The following MAD1L1 variants were observed in gnomAD, a reference collection of about 807,000 sequenced individuals.
The protein encoded by MAD1L1 is mitotic spindle assembly checkpoint protein MAD1.
A neutral mutation model predicts 96.9 loss-of-function variants in MAD1L1; 95 were observed. That is an observed-to-expected ratio of 0.98 (90% confidence interval 0.83 to 1.16). The LOEUF (loss-of-function observed/expected upper bound fraction) is 1.16, where lower values mean the gene tolerates loss of function less well. Ranked by LOEUF, MAD1L1 falls within the 50% of genes most tolerant of loss-of-function variation. The probability of loss-of-function intolerance (pLI) is 0.00; values close to 1 mark genes in which losing one functional copy is unlikely to be tolerated. For synonymous variants in MAD1L1, 473 were observed against 396.6 expected, an observed-to-expected ratio of 1.19 and a Z score of -2.29; for missense variants, 1,007 against 954.4, an observed-to-expected ratio of 1.06 and a Z score of -0.73.
intron 16 of MAD1L1, among the ~76,000 whole-genome samples, chr7:1,950,227 C>T (rs1018649298): frequency 6.6e-6 from 1 of 152,236 alleles, no homozygotes; most frequent in African/African-American, 2.4e-5. Context: ...TCCCCAGCAC[C>T]CTGACCTCAG....
chr7:2,211,848 A>T (rs1792963528), intron 10 of MAD1L1, among the ~76,000 whole-genome samples: 1 of 152,260 alleles, frequency 6.6e-6, no homozygotes. Flanking sequence ...GTCAAAGGAT[A>T]GCTCTTTCAG....
intron 17 of MAD1L1, among the ~76,000 whole-genome samples, chr7:1,927,722 A>G (rs1789170208): frequency 6.6e-6 from 1 of 152,200 alleles, no homozygotes; most frequent in Admixed American, 6.5e-5. Context: ...ATGTGAACTT[A>G]AAACCTTTTA....
intron 18 of MAD1L1, chr7:1,854,345 C>A: frequency 2.1e-6 from 1 of 469,862 alleles, no homozygotes; most frequent in East Asian, 6.6e-5. Flanking sequence ...CCCCAACCCC[C>A]GCTGTGGGGG....
chr7:2,189,497 A>C (rs1466694932), intron 10 of MAD1L1, among the ~76,000 whole-genome samples: 1 of 152,262 alleles, frequency 6.6e-6, no homozygotes, highest in Non-Finnish European at 1.5e-5. Context: ...ATGCCACAAC[A>C]TGGATGATCC....
At chr7:1,913,801 G>C (rs1309810307) in intron 17 of MAD1L1, among the ~76,000 whole-genome samples, 2 of 152,126 alleles carry the variant, frequency 1.3e-5, no homozygotes, top group Non-Finnish European at 2.9e-5. Context: ...GTGGGGAGTG[G>C]AGGGGAGGCT....
At chr7:1,868,422 C>T (rs1562473151) in intron 18 of MAD1L1, among the ~76,000 whole-genome samples, 1 of 152,136 alleles carries the variant, frequency 6.6e-6, no homozygotes, top group Non-Finnish European at 1.5e-5. Context: ...GCCTCCCGGG[C>T]TGCGTGCTGC....
At chr7:1,913,563 G>A (rs192634416) in intron 17 of MAD1L1, among the ~76,000 whole-genome samples, 174 of 152,310 alleles carry the variant, frequency 1.1e-3, no homozygotes, top group East Asian at 9.5e-3. Flanking sequence ...GGGGGTTGGC[G>A]TGGGGTCAGC....
chr7:2,215,150 G>C (rs988984969), intron 9 of MAD1L1, among the ~76,000 whole-genome samples: 1 of 152,126 alleles, frequency 6.6e-6, no homozygotes, highest in African/African-American at 2.4e-5. Flanking sequence ...AGGCTGAGGA[G>C]GGTGGATCAC....
Position 2,088,902 on chromosome 7 carries a change from C to T in MAD1L1, c.1074-19564G>A, listed in dbSNP as rs1378183631. On this transcript the variant is annotated intron_variant, in intron 11 of 18. Coordinates refer to ENST00000265854, the MANE Select transcript of MAD1L1 (RefSeq NM_001013836.2). This position sits in a 1 kb window ranked among gnomAD's most constrained non-coding sequence, Gnocchi z 4.4. ...CACGCCTCCCACACAAGCTGCCAGG[C>T]CCACGGTGGGGGTTGTGCCTGCAGA... is the stretch of plus-strand genomic sequence containing the variant. 6.6e-6 allele frequency: 1 copy of T among 152,364 alleles called. No individual in the cohort carries two copies. The highest frequency in any genetic ancestry group is 6.5e-5 in the Admixed American group (1 of 15,288). The allele number at this position is 152,364 out of a possible 1,614,324, so 9.4% of individuals were successfully genotyped here.
At chr7:1,827,295 G>A (rs13234909) in intron 18 of MAD1L1, among the ~76,000 whole-genome samples, 50,045 of 152,052 alleles carry the variant, frequency 0.33, 8,807 homozygotes, top group Non-Finnish European at 0.4. Context: ...GTTAAGGGAA[G>A]AAAGGGGACG....
At chr7:1,888,905 G>A (rs1786360684) in intron 18 of MAD1L1, among the ~76,000 whole-genome samples, 1 of 152,218 alleles carries the variant, frequency 6.6e-6, no homozygotes, top group African/African-American at 2.4e-5. Flanking sequence ...AGGTCGACCT[G>A]CTCCTCCCGC....
At chr7:2,010,206 T>C (rs1001510008) in intron 13 of MAD1L1, among the ~76,000 whole-genome samples, 2 of 148,870 alleles carry the variant, frequency 1.3e-5, no homozygotes, top group Admixed American at 6.9e-5. Context: ...GCCCTGAAGA[T>C]CAGGCTCTCC....
chr7:1,923,313 G>T (rs1054898938), intron 17 of MAD1L1, among the ~76,000 whole-genome samples: 1 of 152,190 alleles, frequency 6.6e-6, no homozygotes, highest in African/African-American at 2.4e-5. Context: ...TCTGGACTTG[G>T]GGACCCCTAA....
chr7:2,023,539 G>A (rs1001893734), intron 12 of MAD1L1, among the ~76,000 whole-genome samples: 3 of 152,094 alleles, frequency 2.0e-5, no homozygotes, highest in African/African-American at 7.2e-5. Flanking sequence ...ATGCTTAGAG[G>A]AAAATTTATA....
chr7:2,230,344 C>T, intron 2 of MAD1L1: 1 of 504,350 alleles, frequency 2.0e-6, no homozygotes, highest in Non-Finnish European at 3.6e-6. Flanking sequence ...AGCAAGGAAG[C>T]ATGCCACCAA....
chr7:1,875,891 T>C lies in MAD1L1; in HGVS notation c.1998+22309A>G, dbSNP rs144917078. ...TGATGAAGGTCATAAGGGTGGGTCCTGATCCAGCAGGGGCACCAGAGCTCT... is the reference window on the plus strand; with the variant it reads ...TGATGAAGGTCATAAGGGTGGGTCCCGATCCAGCAGGGGCACCAGAGCTCT... On this transcript the variant is annotated intron_variant, in intron 18 of 18. Coordinates refer to ENST00000265854, the MANE Select transcript of MAD1L1 (RefSeq NM_001013836.2). Among the ~76,000 whole-genome samples the C allele has an allele frequency of 8.3e-3, 1,269 of 152,338 alleles. 13 individuals carry two copies. The highest frequency in any genetic ancestry group is 0.029 in the African/African-American group (1,213 of 41,580).
intron 12 of MAD1L1, among the ~76,000 whole-genome samples, chr7:2,042,034 C>T (rs960996201): frequency 1.3e-5 from 2 of 152,118 alleles, no homozygotes; most frequent in African/African-American, 4.8e-5. Context: ...CACACACACG[C>T]ACACGGACAT....
intron 18 of MAD1L1, among the ~76,000 whole-genome samples, chr7:1,832,199 G>C (rs1255756123): frequency 6.6e-6 from 1 of 152,100 alleles, no homozygotes; most frequent in South Asian, 2.1e-4. Flanking sequence ...GTTTGCAGAA[G>C]TTGGTTCCAA....
chr7:2,179,868 G>A (rs1022982401), intron 10 of MAD1L1, among the ~76,000 whole-genome samples: 2 of 151,986 alleles, frequency 1.3e-5, no homozygotes, highest in African/African-American at 4.8e-5. Context: ...CTACTCGGGA[G>A]GCTGAGGCAA....
Sources: allele counts gnomAD v4.1 joint callset (sites outside exome capture counted in the v4.1 genomes callset), GRCh38; gene constraint gnomAD v4.1.1; non-coding constraint Gnocchi (gnomAD v3.1); transcripts MANE v1.5; gene names NCBI Gene and HGNC (gene_info 2026-07-23, HGNC 2026-07-21).